The following SLC39A11 variants were observed in gnomAD, a reference collection of about 807,000 sequenced individuals.
SLC39A11 encodes zinc transporter ZIP11.
Under a neutral mutation model 36.1 loss-of-function variants are expected in SLC39A11, and 33 were observed. The ratio of observed to expected loss-of-function variants is 0.91; its 90% CI spans 0.69 to 1.22. The LOEUF (loss-of-function observed/expected upper bound fraction) is 1.22, where lower values mean the gene tolerates loss of function less well. Ranked by LOEUF, SLC39A11 falls within the 50% of genes most tolerant of loss-of-function variation. The pLI, the probability that SLC39A11 is intolerant of heterozygous loss-of-function variation, is 0.00. For synonymous variants in SLC39A11, 166 were observed against 170.3 expected (o/e 0.97, Z 0.20); for missense variants, 432 against 430.3 (o/e 1.00, Z -0.03).
intron 4 of SLC39A11, among the ~76,000 whole-genome samples, chr17:72,987,782 G>C (rs2088868203): frequency 6.6e-6 from 1 of 152,146 alleles, no homozygotes; most frequent in Non-Finnish European, 1.5e-5. Flanking sequence ...CCCAACGGTT[G>C]TTTTGGGAAC....
chr17:73,030,532 C>T (rs1432563107), intron 4 of SLC39A11, among the ~76,000 whole-genome samples: 1 of 152,206 alleles, frequency 6.6e-6, no homozygotes, highest in East Asian at 1.9e-4. Flanking sequence ...CCACTGACTC[C>T]AGTGAGTCTG....
At chr17:72,978,091 C>T (rs534248023) in intron 4 of SLC39A11, among the ~76,000 whole-genome samples, 1 of 152,356 alleles carries the variant, frequency 6.6e-6, no homozygotes, top group African/African-American at 2.4e-5. Context: ...AGCCTGCGAA[C>T]GCAGGGGAAG....
chr17:72,687,084 G>A (rs2071789994), intron 7 of SLC39A11, among the ~76,000 whole-genome samples: 1 of 151,984 alleles, frequency 6.6e-6, no homozygotes, highest in East Asian at 1.9e-4. Context: ...CTGGAGTTTG[G>A]TGGCACAATC....
chr17:73,083,402 G>A (rs2060614484), intron 3 of SLC39A11, among the ~76,000 whole-genome samples: 1 of 152,202 alleles, frequency 6.6e-6, no homozygotes, highest in South Asian at 2.1e-4. Context: ...GCCTCTGGCA[G>A]GCTCCACCTC....
intron 4 of SLC39A11, among the ~76,000 whole-genome samples, chr17:72,969,774 T>G (rs150192536): frequency 2.0e-5 from 3 of 152,162 alleles, no homozygotes; most frequent in Admixed American, 6.5e-5. Context: ...CTAAAATAGA[T>G]GGGTGGCAGA....
Position 72,928,967 on chromosome 17 carries a change from T to C in SLC39A11, c.430+18785A>G, listed in dbSNP as rs536369937. 3.5e-4 allele frequency among the ~76,000 whole-genome samples: 53 copies of C among 152,304 alleles called. 1 individual carries two copies. The South Asian group carries it at 9.5e-3, about 27-fold the overall frequency. Reference sequence around the variant, plus strand: ...AATGTTAAATGCCTGTGAACCCGCATTGGTGTGCTTTGCTGGGGAAAGGGT... The same window carrying C: ...AATGTTAAATGCCTGTGAACCCGCACTGGTGTGCTTTGCTGGGGAAAGGGT... On this transcript the variant is annotated intron_variant, in intron 5 of 9. Transcript: ENST00000255559.
chr17:72,880,198 T>A (rs2081122168), intron 5 of SLC39A11, among the ~76,000 whole-genome samples: 4 of 152,202 alleles, frequency 2.6e-5, no homozygotes. Context: ...TGATCTGTCA[T>A]CCATCATCCA....
At chr17:72,671,563 A>T (rs912663068) in intron 7 of SLC39A11, among the ~76,000 whole-genome samples, 1 of 152,158 alleles carries the variant, frequency 6.6e-6, no homozygotes, top group African/African-American at 2.4e-5. Flanking sequence ...TCTACTAAAA[A>T]TACAAAAATT....
chr17:72,867,760 GCACACACACA>G (rs887444124), intron 5 of SLC39A11, among the ~76,000 whole-genome samples: 1 of 80,486 alleles, frequency 1.2e-5, no homozygotes, highest in Non-Finnish European at 2.5e-5. Flanking sequence ...AAGTGCGCGC[GCACACACACA>G]CACACACACA....
At chr17:72,839,979 C>A (rs533307108) in intron 6 of SLC39A11, among the ~76,000 whole-genome samples, 1 of 152,096 alleles carries the variant, frequency 6.6e-6, no homozygotes, top group African/African-American at 2.4e-5. Context: ...TTTATCTGAT[C>A]GCAAGTCATA....
intron 4 of SLC39A11, among the ~76,000 whole-genome samples, chr17:72,978,016 G>A (rs770171822): frequency 2.0e-5 from 3 of 152,232 alleles, no homozygotes; most frequent in Non-Finnish European, 4.4e-5. Flanking sequence ...CAGTCTCCGA[G>A]CAAGCTTCTC....
chr17:72,753,128 G>C (rs921365979), intron 6 of SLC39A11, among the ~76,000 whole-genome samples: 2 of 152,162 alleles, frequency 1.3e-5, no homozygotes, highest in Non-Finnish European at 2.9e-5. Context: ...AAAGTGCTGG[G>C]ATTACAGGCA....
chr17:72,766,910 A>T (rs8068754), intron 6 of SLC39A11, among the ~76,000 whole-genome samples: 22,594 of 152,096 alleles, frequency 0.15, 2,452 homozygotes, highest in African/African-American at 0.3. Flanking sequence ...GACCAGAGAC[A>T]TGCCAGCCCC....
At chr17:72,760,762 G>A (rs766785431) in intron 6 of SLC39A11, among the ~76,000 whole-genome samples, 1 of 152,116 alleles carries the variant, frequency 6.6e-6, no homozygotes, top group Admixed American at 6.6e-5. Context: ...GAACCAGCTC[G>A]GCAGGCAACT....
chr17:72,725,146 T>G (rs2073873909), intron 7 of SLC39A11, among the ~76,000 whole-genome samples: 1 of 152,232 alleles, frequency 6.6e-6, no homozygotes, highest in Non-Finnish European at 1.5e-5. Context: ...TGTTTTTAAG[T>G]CACTAGAAAA....
At chr17:72,862,271 G>A (rs2080079721) in intron 5 of SLC39A11, among the ~76,000 whole-genome samples, 3 of 152,206 alleles carry the variant, frequency 2.0e-5, no homozygotes, top group African/African-American at 4.8e-5. Context: ...GGTCAGAAGG[G>A]AGGCTGACAG....
chr17:72,946,307 C>T (rs1387841165), intron 5 of SLC39A11, among the ~76,000 whole-genome samples: 1 of 152,182 alleles, frequency 6.6e-6, no homozygotes, highest in Non-Finnish European at 1.5e-5. Flanking sequence ...TTTCCTGGTT[C>T]CATCCCACGT....
At chr17:73,081,993 A>T (rs947500086) in intron 3 of SLC39A11, among the ~76,000 whole-genome samples, 13 of 151,436 alleles carry the variant, frequency 8.6e-5, no homozygotes, top group African/African-American at 3.2e-4. Flanking sequence ...GCGATAAAAG[A>T]CTACATATTG....
chr17:72,720,182 G>A (rs1024911275), intron 7 of SLC39A11, among the ~76,000 whole-genome samples: 2 of 152,206 alleles, frequency 1.3e-5, no homozygotes, highest in Admixed American at 6.5e-5. Context: ...ACACAACGAA[G>A]GCTGGGGACA....
Sources: allele counts gnomAD v4.1 joint callset (sites outside exome capture counted in the v4.1 genomes callset), GRCh38; gene constraint gnomAD v4.1.1; transcripts MANE v1.5; gene names NCBI Gene and HGNC (gene_info 2026-07-23, HGNC 2026-07-21).